Variants in NTRK2 observed in about 807,000 individuals in gnomAD.
NTRK2 encodes neurotrophic receptor tyrosine kinase 2.
A neutral mutation model predicts 94.5 loss-of-function variants in NTRK2; 13 were observed. That is an observed-to-expected ratio of 0.14 (90% CI 0.09 to 0.22). The LOEUF (loss-of-function observed/expected upper bound fraction) is 0.22. Ranked by LOEUF, NTRK2 falls within the 10% of genes least tolerant of loss-of-function variation. The pLI is 1.00. For missense variants in NTRK2, 639 were observed against 1,071.2 expected, an observed-to-expected ratio of 0.60 and a Z score of 5.63; for synonymous variants, 372 against 407.4, an observed-to-expected ratio of 0.91 and a Z score of 1.05.
At chr9:84,883,964 A>G (rs1007580950) in intron 14 of NTRK2, among the ~76,000 whole-genome samples, 1 of 152,244 alleles carries the variant, frequency 6.6e-6, no homozygotes, top group Non-Finnish European at 1.5e-5. Context: ...AGTACTTAGT[A>G]TAAGGAATTA....
chr9:84,672,558 A>G (rs1342744825), intron 2 of NTRK2, among the ~76,000 whole-genome samples: 2 of 152,152 alleles, frequency 1.3e-5, no homozygotes, highest in Non-Finnish European at 2.9e-5. Flanking sequence ...TTTTGAGATT[A>G]TGGGGAGTGC....
At chr9:84,673,670 A>G (rs1187533632) in intron 2 of NTRK2, among the ~76,000 whole-genome samples, 1 of 152,052 alleles carries the variant, frequency 6.6e-6, no homozygotes. Flanking sequence ...GTGTAGATTA[A>G]CCAAGAGGTA....
intron 2 of NTRK2, among the ~76,000 whole-genome samples, chr9:84,681,724 G>A (rs945127985): frequency 6.6e-6 from 1 of 152,312 alleles, no homozygotes; most frequent in Admixed American, 6.5e-5. Context: ...TGTAGCTGGA[G>A]CGGTCTATCT....
rs1376279722 is a variant in NTRK2 at position 84,876,424 on chromosome 9, C to T, written c.1633+8993C>T. The T allele has an allele frequency of 6.6e-6, 7 of 1,054,602 alleles. No homozygotes were observed. In the African/African-American group the frequency reaches 9.9e-5, roughly 15 times the overall value. The allele number at this position is 1,054,602 out of a possible 1,614,324, so 65.3% of individuals were successfully genotyped here. ...ATGTTTTCATGCTCAATACTTACTC[C>T]CCTTCCCTGCAACACCCAAAGAGTT... On this transcript the variant is annotated intron_variant, in intron 14 of 18. Transcript: ENST00000277120.
chr9:84,713,044 A>G (rs966807125), intron 6 of NTRK2, among the ~76,000 whole-genome samples: 3 of 152,146 alleles, frequency 2.0e-5, no homozygotes, highest in African/African-American at 7.2e-5. Flanking sequence ...AAATGGCTGT[A>G]TCTATTTATG....
At chr9:84,840,343 C>T (rs1265106400) in intron 12 of NTRK2, among the ~76,000 whole-genome samples, 2 of 145,332 alleles carry the variant, frequency 1.4e-5, no homozygotes, top group African/African-American at 5.1e-5. Flanking sequence ...ATTCTGTGGT[C>T]GCTGGTTATA....
chr9:84,855,310 A>G (rs1450784862), intron 12 of NTRK2, among the ~76,000 whole-genome samples: 1 of 152,190 alleles, frequency 6.6e-6, no homozygotes, highest in Non-Finnish European at 1.5e-5. Context: ...GAGATGATGG[A>G]TGCTTTTCAG....
At chr9:84,781,415 A>G (rs1488427115) in intron 12 of NTRK2, among the ~76,000 whole-genome samples, 3 of 152,122 alleles carry the variant, frequency 2.0e-5, no homozygotes, top group Non-Finnish European at 4.4e-5. Flanking sequence ...TTCAGATCAT[A>G]AGTATACTTT....
At chr9:84,769,261 G>A (rs2066310049) in intron 12 of NTRK2, among the ~76,000 whole-genome samples, 1 of 152,150 alleles carries the variant, frequency 6.6e-6, no homozygotes, top group Non-Finnish European at 1.5e-5. Flanking sequence ...TTAATTGCAT[G>A]TGTTACTTAA....
chr9:84,894,167 A>G (rs62563863), intron 14 of NTRK2, among the ~76,000 whole-genome samples: 130,124 of 150,140 alleles, frequency 0.87, 56,599 homozygotes, highest in African/African-American at 0.94. Context: ...ACTATTTGGG[A>G]GAATATATTT....
At chr9:85,015,378 G>T (rs564557945) in intron 17 of NTRK2, among the ~76,000 whole-genome samples, 3 of 152,130 alleles carry the variant, frequency 2.0e-5, no homozygotes, top group Non-Finnish European at 4.4e-5. Flanking sequence ...CTTATTTGTA[G>T]CATCAAACAG....
chr9:84,942,527 G>A (rs1420508457), intron 15 of NTRK2, among the ~76,000 whole-genome samples: 1 of 152,108 alleles, frequency 6.6e-6, no homozygotes. Flanking sequence ...TATGGAGGTG[G>A]CTTTTATAGA....
chr9:84,931,355 C>T (rs928231627), intron 14 of NTRK2, among the ~76,000 whole-genome samples: 2 of 150,528 alleles, frequency 1.3e-5, no homozygotes, highest in Non-Finnish European at 1.5e-5. Flanking sequence ...TGCAGTGAGC[C>T]GAGATTGTTC....
chr9:84,916,403 T>C (rs1247561504), intron 14 of NTRK2, among the ~76,000 whole-genome samples: 1 of 152,194 alleles, frequency 6.6e-6, no homozygotes, highest in African/African-American at 2.4e-5. Context: ...ACATCAGTAC[T>C]CTTCATCCTA....
intron 12 of NTRK2, among the ~76,000 whole-genome samples, chr9:84,819,697 A>G (rs1382039646): frequency 6.6e-6 from 1 of 152,144 alleles, no homozygotes; most frequent in Non-Finnish European, 1.5e-5. Context: ...CCAGCCTTAA[A>G]CAGGCTCAGC....
chr9:84,821,335 A>C (rs1461943765), intron 12 of NTRK2, among the ~76,000 whole-genome samples: 1 of 90,564 alleles, frequency 1.1e-5, no homozygotes, highest in Non-Finnish European at 2.6e-5. Flanking sequence ...ACACACACAC[A>C]CACACACACA....
intron 6 of NTRK2, among the ~76,000 whole-genome samples, chr9:84,713,777 T>C (rs764741684): frequency 6.6e-6 from 1 of 152,154 alleles, no homozygotes; most frequent in Non-Finnish European, 1.5e-5. Flanking sequence ...TGTTGCTTGC[T>C]CTTTCTAGGT....
chr9:84,780,831 T>C (rs1319303095), intron 12 of NTRK2, among the ~76,000 whole-genome samples: 1 of 152,160 alleles, frequency 6.6e-6, no homozygotes, highest in Non-Finnish European at 1.5e-5. Flanking sequence ...GGATGTTTTT[T>C]CCTCTCTAAA....
At chr9:84,692,511 C>T (rs1265105962) in intron 2 of NTRK2, among the ~76,000 whole-genome samples, 3 of 143,098 alleles carry the variant, frequency 2.1e-5, no homozygotes, top group Non-Finnish European at 4.5e-5. Flanking sequence ...CACTTTGCCT[C>T]CCAGGCTGGA....
Sources: allele counts gnomAD v4.1 joint callset (sites outside exome capture counted in the v4.1 genomes callset), GRCh38; gene constraint gnomAD v4.1.1; transcripts MANE v1.5; gene names NCBI Gene and HGNC (gene_info 2026-07-23, HGNC 2026-07-21).